The following NAV2 variants were observed in gnomAD, a reference collection of about 807,000 sequenced individuals.
The protein encoded by NAV2 is neuron navigator 2.
Under a neutral mutation model 223.2 loss-of-function variants are expected in NAV2, and 54 were observed. The ratio of observed to expected loss-of-function variants is 0.24; its 90% CI spans 0.19 to 0.30. The LOEUF is 0.30. Ranked by LOEUF, NAV2 falls within the 10% of genes least tolerant of loss-of-function variation. The pLI, the probability that NAV2 is intolerant of heterozygous loss-of-function variation, is 1.00. For synonymous variants in NAV2, 1,279 were observed against 1,239.3 expected (o/e 1.03, Z -0.67); for missense variants, 2,806 against 3,147.5 (o/e 0.89, Z 2.60).
intron 1 of NAV2, among the ~76,000 whole-genome samples, chr11:19,392,655 C>T (rs1031432725): frequency 6.6e-6 from 1 of 152,160 alleles, no homozygotes; most frequent in African/African-American, 2.4e-5. Flanking sequence ...CTCCAGCATT[C>T]TGTTCATTGG....
rs374457210 is a variant in NAV2 at position 19,939,708 on chromosome 11, C to T, written c.2081C>T (p.Thr694Ile). The stretch of plus-strand genomic sequence containing the variant: ...AATGTTACTGCCGAGTCAAGCTCAA[C>T]AGGTGTGAGCGTGGAGCCCAGCCAC... ...EGNVTAESSS[T>I]GVSVEPSHFT... Residue 694 changes from threonine (T) to isoleucine (I), a missense_variant, in exon 8 of 38, where the codon ACA (threonine) becomes ATA (isoleucine). By Grantham distance (89) the Thr-to-Ile change is moderately conservative (BLOSUM62 -1). This residue lies in a region of NAV2 where 1,167 missense variants were observed against 1,180.5 expected (regional missense o/e 0.99). Coordinates refer to ENST00000349880, the MANE Select transcript of NAV2 (RefSeq NM_145117.5). 2 of 1,614,022 alleles carry T rather than the reference C, an allele frequency of 1.2e-6. No homozygotes were observed. Among genetic ancestry groups the T allele is most frequent in the Non-Finnish European group, 1.7e-6 (2 of 1,180,022 alleles).
chr11:19,904,590 C>T (rs1390124963), intron 6 of NAV2, among the ~76,000 whole-genome samples: 1 of 152,098 alleles, frequency 6.6e-6, no homozygotes, highest in Non-Finnish European at 1.5e-5. Flanking sequence ...TTTTTGAAAA[C>T]AGTTTTATGG....
intron 1 of NAV2, among the ~76,000 whole-genome samples, chr11:19,402,812 TG>T (rs1849742388): frequency 6.6e-6 from 1 of 152,234 alleles, no homozygotes; most frequent in Admixed American, 6.5e-5. Context: ...TGGCACATTG[TG>T]GGTTCTCAAC....
intron 1 of NAV2, among the ~76,000 whole-genome samples, chr11:19,490,352 C>T (rs1424251443): frequency 6.6e-6 from 1 of 152,192 alleles, no homozygotes; most frequent in African/African-American, 2.4e-5. Context: ...GCATTTTACC[C>T]ACAGTAGAAA....
Position 19,978,476 on chromosome 11 carries a change from G to A in NAV2, c.2646-5649G>A, listed in dbSNP as rs577852177. Reference sequence around the variant, plus strand: ...ATATATACGTCCAGATATTTATATTGTTATTGGCAAGGAATATTACACACA... The same window carrying A: ...ATATATACGTCCAGATATTTATATTATTATTGGCAAGGAATATTACACACA... On this transcript the variant is annotated intron_variant, in intron 10 of 37. Coordinates refer to ENST00000349880, the MANE Select transcript of NAV2 (RefSeq NM_145117.5). 1.1e-3 allele frequency among the ~76,000 whole-genome samples: 175 copies of A among 152,188 alleles called. 1 individual carries two copies. Among genetic ancestry groups the A allele is most frequent in the African/African-American group, 4.0e-3 (167 of 41,518 alleles).
intron 1 of NAV2, among the ~76,000 whole-genome samples, chr11:19,735,845 G>A (rs2052238988): frequency 6.6e-6 from 1 of 152,110 alleles, no homozygotes; most frequent in South Asian, 2.1e-4. Context: ...AAAATAACAT[G>A]CAAGGATGGG....
At chr11:19,925,963 T>G (rs1011397413) in intron 6 of NAV2, among the ~76,000 whole-genome samples, 3 of 152,310 alleles carry the variant, frequency 2.0e-5, no homozygotes, top group African/African-American at 7.2e-5. Context: ...AGTACCACAC[T>G]TTTAAAAAAT....
chr11:19,910,932 G>A (rs1350587108), intron 6 of NAV2, among the ~76,000 whole-genome samples: 5 of 151,974 alleles, frequency 3.3e-5, no homozygotes, highest in Admixed American at 1.3e-4. Flanking sequence ...TCATTTTTAT[G>A]AGGACAATGA....
At chr11:19,724,951 A>C (rs1055026750) in intron 1 of NAV2, among the ~76,000 whole-genome samples, 1 of 152,248 alleles carries the variant, frequency 6.6e-6, no homozygotes, top group African/African-American at 2.4e-5. Flanking sequence ...GTTGAACTGC[A>C]GCTTGGACAG....
intron 1 of NAV2, among the ~76,000 whole-genome samples, chr11:19,628,120 C>A (rs1314091344): frequency 6.6e-6 from 1 of 152,144 alleles, no homozygotes; most frequent in Non-Finnish European, 1.5e-5. Context: ...AGTATGTCTC[C>A]CTCCCACTCT....
At chr11:19,645,284 A>G (rs2135592274) in intron 1 of NAV2, among the ~76,000 whole-genome samples, 1 of 152,318 alleles carries the variant, frequency 6.6e-6, no homozygotes, top group East Asian at 1.9e-4. Context: ...TCACTCTGAC[A>G]CAGACTCTCC....
Position 19,918,074 on chromosome 11 carries a change from A to G in NAV2, c.932-15102A>G, listed in dbSNP as rs192369832. On this transcript the variant is annotated intron_variant, in intron 6 of 37. Coordinates refer to ENST00000349880, the MANE Select transcript of NAV2 (RefSeq NM_145117.5). ...TCTGAGCCTGAATTTACTGTTGTGT[A>G]AAATAGGCTTGATAATCCCCTCTTC... is the stretch of plus-strand genomic sequence containing the variant. Among the ~76,000 whole-genome samples the G allele has an allele frequency of 6.8e-3, 1,040 of 152,344 alleles. 29 individuals are homozygous for G. Among genetic ancestry groups the G allele is most frequent in the Admixed American group, 0.058 (880 of 15,298 alleles).
intron 1 of NAV2, among the ~76,000 whole-genome samples, chr11:19,374,266 A>C (rs938198880): frequency 4.0e-5 from 6 of 151,266 alleles, no homozygotes; most frequent in Non-Finnish European, 5.9e-5. Context: ...TTTATCTAGG[A>C]ATCTGAATAC....
chr11:19,968,169 AG>A (rs1334207878), intron 10 of NAV2, among the ~76,000 whole-genome samples: 4 of 152,066 alleles, frequency 2.6e-5, no homozygotes, highest in Non-Finnish European at 4.4e-5. Flanking sequence ...GAAAACAAAT[AG>A]GGTGTTGTTG....
chr11:19,680,049 G>C (rs755217861), intron 1 of NAV2, among the ~76,000 whole-genome samples: 6 of 152,178 alleles, frequency 3.9e-5, no homozygotes, highest in Non-Finnish European at 8.8e-5. Context: ...TTTGGCTGGA[G>C]GGTGGGGTTC....
intron 1 of NAV2, among the ~76,000 whole-genome samples, chr11:19,661,181 G>A (rs2048272933): frequency 6.6e-6 from 1 of 152,162 alleles, no homozygotes; most frequent in South Asian, 2.1e-4. Context: ...TACCTCACAT[G>A]AATGGAATCC....
rs2058210179 is a variant in NAV2 at position 20,054,126 on chromosome 11, T to C, written c.4528T>C (p.Trp1510Arg). The C allele has an allele frequency of 6.2e-7, 1 of 1,613,066 alleles. No individual in the cohort carries two copies. The highest frequency in any genetic ancestry group is 1.1e-5 in the South Asian group (1 of 90,828). The change falls in exon 18 of 38, where the codon TGG (tryptophan) becomes CGG (arginine). Residue 1510 changes from tryptophan (W) to arginine (R), a missense_variant. Trp to Arg is a moderately radical substitution (Grantham distance 101). Coordinates refer to ENST00000349880, the MANE Select transcript of NAV2 (RefSeq NM_145117.5). Reference protein sequence around the residue: ...QLRTQEDAKEWLRSHSAGGLQ... With the variant: ...QLRTQEDAKERLRSHSAGGLQ... ...TCGCACGCAAGAAGATGCAAAAGAA[T>C]GGTTACGGTCCCATTCTGCAGGAGG... is the stretch of plus-strand genomic sequence containing the variant.
intron 1 of NAV2, chr11:19,714,205 G>A (rs1041168932): frequency 2.9e-6 from 2 of 693,372 alleles, no homozygotes; most frequent in Non-Finnish European, 5.3e-6. Context: ...GGGCACGTCT[G>A]CAGCATCTTC....
At chr11:19,538,675 CTT>C (rs67465066) in intron 1 of NAV2, among the ~76,000 whole-genome samples, 1 of 148,136 alleles carries the variant, frequency 6.8e-6, no homozygotes, top group African/African-American at 2.5e-5. Context: ...TTATAACTTT[CTT>C]TTTTTTTTAT....
Sources: allele counts gnomAD v4.1 joint callset (sites outside exome capture counted in the v4.1 genomes callset), GRCh38; gene constraint gnomAD v4.1.1; regional missense constraint gnomAD v4.1.1; transcripts MANE v1.5; gene names NCBI Gene and HGNC (gene_info 2026-07-23, HGNC 2026-07-21).